DOCK9: variants seen among roughly 807,000 people sequenced by gnomAD.
DOCK9 encodes dedicator of cytokinesis protein 9.
Under a neutral mutation model 263.3 loss-of-function variants are expected in DOCK9, and 89 were observed. The observed-to-expected ratio is 0.34, with a 90% CI of 0.28 to 0.40. The LOEUF (loss-of-function observed/expected upper bound fraction) is 0.40, where lower values mean the gene tolerates loss of function less well. Among genes scored for constraint, DOCK9 ranks in the 10% least tolerant of loss-of-function variants. DOCK9 has a pLI of 1.00. For synonymous variants in DOCK9, 976 were observed against 973.1 expected, an observed-to-expected ratio of 1.00 and a Z score of -0.06; for missense variants, 2,140 against 2,603.4, an observed-to-expected ratio of 0.82 and a Z score of 3.87.
intron 7 of DOCK9, 141 bp downstream of exon 7, chr13:98,920,813 G>C (rs2051845933): frequency 1.2e-6 from 1 of 824,806 alleles, no homozygotes; most frequent in Non-Finnish European, 1.8e-6. Flanking sequence ...GAAAAACAAG[G>C]CTTGCCTCAT....
intron 1 of DOCK9, among the ~76,000 whole-genome samples, chr13:99,058,124 T>G (rs1596004267): frequency 6.6e-6 from 1 of 150,778 alleles, no homozygotes; most frequent in East Asian, 2.0e-4. Flanking sequence ...CAGGCCTGGG[T>G]GGGGTGATTC....
intron 1 of DOCK9, among the ~76,000 whole-genome samples, chr13:98,967,735 C>T (rs1010667060): frequency 1.5e-4 from 23 of 152,194 alleles, no homozygotes; most frequent in African/African-American, 5.1e-4. Context: ...TACAATCTCA[C>T]TACAGCAGAG....
At chr13:98,952,935 T>C (rs897197130) in intron 2 of DOCK9, among the ~76,000 whole-genome samples, 1 of 152,222 alleles carries the variant, frequency 6.6e-6, no homozygotes, top group African/African-American at 2.4e-5. Context: ...TACTTTTCCA[T>C]ATGAAATAAA....
At chr13:98,910,523 C>A (rs1202199000) in intron 9 of DOCK9, among the ~76,000 whole-genome samples, 2 of 152,178 alleles carry the variant, frequency 1.3e-5, no homozygotes, top group Admixed American at 1.3e-4. Flanking sequence ...AAGTAATGAG[C>A]CCTTCCATAA....
intron 47 of DOCK9, 108 bp from the exon 48 acceptor site, chr13:98,807,915 A>G (rs2090907659): frequency 1.1e-6 from 1 of 918,670 alleles, no homozygotes; most frequent in Non-Finnish European, 1.5e-6. Flanking sequence ...GGGTCTAAAA[A>G]TCCTGCTGAA....
intron 2 of DOCK9, among the ~76,000 whole-genome samples, chr13:98,954,204 G>A (rs1053974951): frequency 2.0e-5 from 3 of 151,842 alleles, no homozygotes; most frequent in African/African-American, 7.3e-5. Context: ...GTACATGGAT[G>A]TAACACTTTT....
intron 1 of DOCK9, among the ~76,000 whole-genome samples, chr13:99,050,483 G>A (rs773893413): frequency 1.3e-5 from 2 of 152,084 alleles, no homozygotes; most frequent in Non-Finnish European, 2.9e-5. Flanking sequence ...TCACGAGGTC[G>A]GAGTTCAAGA....
chr13:98,937,932 C>T (rs1052323271), intron 2 of DOCK9, among the ~76,000 whole-genome samples: 2 of 152,208 alleles, frequency 1.3e-5, no homozygotes, highest in Non-Finnish European at 2.9e-5. Context: ...TGGGAAGCCA[C>T]TTAGCCCTGG....
intron 9 of DOCK9, among the ~76,000 whole-genome samples, chr13:98,911,207 C>T (rs1309971198): frequency 6.6e-6 from 1 of 152,174 alleles, no homozygotes; most frequent in Admixed American, 6.5e-5. Flanking sequence ...TTTCTACCTT[C>T]CTAAATAAAA....
At chr13:98,868,706 G>T (rs1435465011) in intron 27 of DOCK9, among the ~76,000 whole-genome samples, 3 of 152,166 alleles carry the variant, frequency 2.0e-5, no homozygotes, top group Admixed American at 2.0e-4. Flanking sequence ...AGTGAGCCAA[G>T]ATCAGCCACT....
At chr13:98,850,251 C>A (rs933843034) in intron 35 of DOCK9, 138 bp from the exon 36 acceptor site, 11 of 562,036 alleles carry the variant, frequency 2.0e-5, no homozygotes, top group Non-Finnish European at 3.4e-5. Flanking sequence ...CCTTCCCCTG[C>A]CCTCTTTTAT....
chr13:99,012,644 C>A (rs1341434622), intron 1 of DOCK9, among the ~76,000 whole-genome samples: 1 of 152,074 alleles, frequency 6.6e-6, no homozygotes, highest in Non-Finnish European at 1.5e-5. Context: ...TGGGGGTGAC[C>A]CAAGGAAGTA....
chr13:98,794,494 G>C lies in DOCK9; in HGVS notation c.*132C>G. ...AGAAAGTCTGTTAAGAAATAACGTTGTTCTTTATTTCCTTTCTCTCCCCTT... is the reference window on the plus strand; with the variant it reads ...AGAAAGTCTGTTAAGAAATAACGTTCTTCTTTATTTCCTTTCTCTCCCCTT... On this transcript the variant is annotated 3_prime_UTR_variant, in exon 53 of 53. Coordinates refer to ENST00000682017, the MANE Select transcript of DOCK9 (RefSeq NM_001366683.2). 1 of 968,532 alleles carries C rather than the reference G, an allele frequency of 1.0e-6. No individual in the cohort carries two copies. Among genetic ancestry groups the C allele is most frequent in the Non-Finnish European group, 1.5e-6 (1 of 667,958 alleles). 60.0% of individuals were successfully genotyped at this position (968,532 alleles called of 1,614,324 possible).
chr13:99,051,273 C>T (rs181396766), intron 1 of DOCK9, among the ~76,000 whole-genome samples: 2 of 152,266 alleles, frequency 1.3e-5, no homozygotes, highest in African/African-American at 4.8e-5. Context: ...TCCCCCTTTC[C>T]CGCCAAAGCT....
At chr13:99,019,086 C>T (rs1488564226) in intron 1 of DOCK9, among the ~76,000 whole-genome samples, 2 of 152,152 alleles carry the variant, frequency 1.3e-5, no homozygotes, top group Non-Finnish European at 2.9e-5. Context: ...CATGCCACTA[C>T]ACGAATGGCC....
chr13:98,985,556 G>T (rs1356507858), intron 1 of DOCK9, among the ~76,000 whole-genome samples: 1 of 152,182 alleles, frequency 6.6e-6, no homozygotes, highest in Admixed American at 6.5e-5. Context: ...AAATGGGGCT[G>T]TTAAGCTCTG....
chr13:98,846,483 G>A (rs1316268613), intron 37 of DOCK9: 2 of 1,334,580 alleles, frequency 1.5e-6, no homozygotes, highest in Admixed American at 1.9e-5. Context: ...ACATGCAAAG[G>A]AAGGGATTAT....
intron 1 of DOCK9, among the ~76,000 whole-genome samples, chr13:99,079,363 C>G (rs1470556419): frequency 1.3e-5 from 2 of 151,984 alleles, no homozygotes; most frequent in African/African-American, 4.8e-5. Context: ...AAGACTCAGC[C>G]CCCATACCTA....
At chr13:98,930,384 G>A (rs1307704075) in intron 2 of DOCK9, 127 bp from the exon 3 acceptor site, 6 of 746,392 alleles carry the variant, frequency 8.0e-6, no homozygotes, top group African/African-American at 1.7e-5. Context: ...CTCCCATCCA[G>A]TGCAGCTGCC....
Sources: gnomAD v4.1 joint callset for allele counts (sites outside exome capture counted in the v4.1 genomes callset) on GRCh38, gnomAD v4.1.1 for gene constraint, MANE v1.5 for transcripts, NCBI Gene and HGNC (gene_info 2026-07-23, HGNC 2026-07-21) for gene names.